Variants in PRKG1 observed in about 807,000 individuals in gnomAD.
The protein encoded by PRKG1 is cGMP-dependent protein kinase 1.
In PRKG1, 35 loss-of-function variants were observed where a neutral mutation model predicts 88.1. The ratio of observed to expected loss-of-function variants is 0.40; its 90% CI spans 0.30 to 0.53. PRKG1 has a LOEUF of 0.53. Ranked by LOEUF, PRKG1 falls within the 20% of genes least tolerant of loss-of-function variation. The pLI is 0.59. For synonymous variants in PRKG1, 303 were observed against 292.5 expected, an observed-to-expected ratio of 1.04 and a Z score of -0.37; for missense variants, 540 against 839.8, an observed-to-expected ratio of 0.64 and a Z score of 4.41.
chr10:51,057,929 C>T (rs747805503), intron 1 of PRKG1, among the ~76,000 whole-genome samples: 18 of 151,992 alleles, frequency 1.2e-4, no homozygotes, highest in Admixed American at 2.6e-4. Flanking sequence ...TTTAGGTAGA[C>T]GTTGCCACCT....
intron 7 of PRKG1, among the ~76,000 whole-genome samples, chr10:52,117,845 A>G (rs942935321): frequency 6.6e-6 from 1 of 152,046 alleles, no homozygotes; most frequent in Non-Finnish European, 1.5e-5. Flanking sequence ...AAATACATAC[A>G]CATGGTTCTA....
intron 3 of PRKG1, among the ~76,000 whole-genome samples, chr10:51,787,977 T>C (rs1174886254): frequency 2.0e-5 from 3 of 152,128 alleles, no homozygotes; most frequent in Non-Finnish European, 4.4e-5. Context: ...AACCGACCTT[T>C]GGGTTTATGT....
At chr10:51,139,202 A>G (rs1845767765) in intron 1 of PRKG1, among the ~76,000 whole-genome samples, 1 of 152,192 alleles carries the variant, frequency 6.6e-6, no homozygotes, top group African/African-American at 2.4e-5. Context: ...AAGTAATCTG[A>G]GAAATAAGAC....
At chr10:52,109,865 G>A (rs992205213) in intron 7 of PRKG1, among the ~76,000 whole-genome samples, 4 of 151,930 alleles carry the variant, frequency 2.6e-5, no homozygotes, top group Non-Finnish European at 4.4e-5. Flanking sequence ...CAGTGTCAAA[G>A]AGCTTTACTT....
intron 9 of PRKG1, among the ~76,000 whole-genome samples, chr10:52,174,849 A>G (rs1838816473): frequency 6.6e-6 from 1 of 152,050 alleles, no homozygotes; most frequent in Non-Finnish European, 1.5e-5. Context: ...CTACATTGTT[A>G]TATCAATGCA....
chr10:51,786,698 T>C (rs1838738875), intron 3 of PRKG1, among the ~76,000 whole-genome samples: 1 of 152,182 alleles, frequency 6.6e-6, no homozygotes, highest in Admixed American at 6.6e-5. Context: ...TTGCTCACTG[T>C]CATAGCTATA....
Position 51,047,173 on chromosome 10 carries a change from A to G in PRKG1, c.266+55529A>G, listed in dbSNP as rs1167239258. On this transcript the variant is annotated intron_variant, in intron 1 of 17. Transcript: ENST00000401604. ...GTACTATCCAAAGGTGAGAGCCTCA[A>G]GGTCTGTAGTCTGGGCTAGGCACTT... Among the ~76,000 whole-genome samples, 15 of 152,158 alleles carry G rather than the reference A, an allele frequency of 9.9e-5. 1 individual carries two copies. Among genetic ancestry groups the G allele is most frequent in the Admixed American group, 9.8e-4 (15 of 15,262 alleles).
At chr10:52,196,060 T>G (rs2132764137) in intron 9 of PRKG1, among the ~76,000 whole-genome samples, 1 of 152,312 alleles carries the variant, frequency 6.6e-6, no homozygotes, top group East Asian at 1.9e-4. Flanking sequence ...TTGCCCAGGT[T>G]GGAGTGCAGT....
intron 1 of PRKG1, among the ~76,000 whole-genome samples, chr10:51,057,398 G>A (rs1381436277): frequency 6.6e-6 from 1 of 152,048 alleles, no homozygotes; most frequent in African/African-American, 2.4e-5. Context: ...AATCAATATG[G>A]ATTTTGTTTT....
At chr10:51,332,996 T>G (rs545954874) in intron 2 of PRKG1, among the ~76,000 whole-genome samples, 1 of 152,314 alleles carries the variant, frequency 6.6e-6, no homozygotes, top group African/African-American at 2.4e-5. Context: ...AATTATTATC[T>G]CATCTTGAAG....
At chr10:51,387,593 C>G (rs1837286995) in intron 2 of PRKG1, among the ~76,000 whole-genome samples, 1 of 152,008 alleles carries the variant, frequency 6.6e-6, no homozygotes, top group African/African-American at 2.4e-5. Flanking sequence ...CTTAGGAAGG[C>G]TTGGTACCTG....
At chr10:51,308,380 G>A (rs898008572) in intron 2 of PRKG1, among the ~76,000 whole-genome samples, 5 of 152,110 alleles carry the variant, frequency 3.3e-5, no homozygotes, top group African/African-American at 1.2e-4. Flanking sequence ...TTCCTTGTAT[G>A]TTAATAGGCC....
At chr10:51,903,228 G>A (rs1043210175) in intron 4 of PRKG1, among the ~76,000 whole-genome samples, 4 of 152,034 alleles carry the variant, frequency 2.6e-5, no homozygotes, top group Non-Finnish European at 2.9e-5. Context: ...ACAGCCAAAA[G>A]CAGTGTTCAG....
At chr10:52,069,289 G>A (rs958871578) in intron 7 of PRKG1, among the ~76,000 whole-genome samples, 14 of 152,148 alleles carry the variant, frequency 9.2e-5, no homozygotes, top group Non-Finnish European at 1.9e-4. Flanking sequence ...CCAGCACGTT[G>A]GTAGGCTGAG....
chr10:51,085,124 A>T (rs867169641), intron 1 of PRKG1, among the ~76,000 whole-genome samples: 6 of 152,232 alleles, frequency 3.9e-5, no homozygotes, highest in African/African-American at 1.4e-4. Flanking sequence ...ATTGCTACAG[A>T]TGGAAAATAG....
chr10:51,067,275 T>TAC (rs983877825), intron 1 of PRKG1, among the ~76,000 whole-genome samples: 3 of 39,892 alleles, frequency 7.5e-5, no homozygotes, highest in African/African-American at 1.6e-4. Flanking sequence ...TGTGTGTATA[T>TAC]ATATATATAT....
chr10:51,256,717 C>G (rs1482702975), intron 2 of PRKG1, among the ~76,000 whole-genome samples: 2 of 151,776 alleles, frequency 1.3e-5, no homozygotes, highest in Non-Finnish European at 2.9e-5. Flanking sequence ...TAGATTTACT[C>G]TAGGAGTGAT....
chr10:52,111,643 AAT>A (rs1847567414), intron 7 of PRKG1, among the ~76,000 whole-genome samples: 1 of 152,170 alleles, frequency 6.6e-6, no homozygotes, highest in Non-Finnish European at 1.5e-5. Flanking sequence ...TCTAGATATA[AAT>A]AGTTTGTTCT....
intron 1 of PRKG1, among the ~76,000 whole-genome samples, chr10:51,128,990 A>G (rs1332925636): frequency 1.3e-5 from 2 of 152,224 alleles, no homozygotes; most frequent in Non-Finnish European, 2.9e-5. Flanking sequence ...CAGAGTTTTA[A>G]TGTGACTCCT....
Sources: gnomAD v4.1 joint callset for allele counts (sites outside exome capture counted in the v4.1 genomes callset) on GRCh38, gnomAD v4.1.1 for gene constraint, MANE v1.5 for transcripts, NCBI Gene and HGNC (gene_info 2026-07-23, HGNC 2026-07-21) for gene names.